The following COL4A6 variants were observed in gnomAD, a reference collection of about 807,000 sequenced individuals.
COL4A6 encodes the protein collagen type IV alpha 6 chain.
Under a neutral mutation model 126.7 loss-of-function variants are expected in COL4A6, and 59 were observed. That is an observed-to-expected ratio of 0.47 (90% CI 0.38 to 0.58). The LOEUF is 0.58. COL4A6 is among the 20% of genes least tolerant of loss of function. COL4A6 has a pLI of 0.00. For synonymous variants in COL4A6, 547 were observed against 496.6 expected, an observed-to-expected ratio of 1.10 and a Z score of -1.35; for missense variants, 1,285 against 1,337.3, an observed-to-expected ratio of 0.96 and a Z score of 0.61.
intron 2 of COL4A6, among the ~76,000 whole-genome samples, chrX:108,412,770 C>A (rs1237646482): frequency 8.9e-6 from 1 of 112,277 alleles, no homozygotes; most frequent in Non-Finnish European, 1.9e-5. Flanking sequence ...GCCAGCTGAA[C>A]AACCACTGCA....
intron 2 of COL4A6, among the ~76,000 whole-genome samples, chrX:108,336,574 A>G (rs1004406249): frequency 5.4e-5 from 6 of 111,127 alleles, no homozygotes; most frequent in African/African-American, 2.0e-4. Flanking sequence ...ATGGTTGTAC[A>G]ATATTGTGAG....
intron 6 of COL4A6, among the ~76,000 whole-genome samples, chrX:108,212,841 T>C (rs968051255): frequency 8.9e-6 from 1 of 111,928 alleles, no homozygotes; most frequent in Non-Finnish European, 1.9e-5. Context: ...GAGACAGAAC[T>C]AGGTTTTTTC....
chrX:108,428,260 C>T (rs1008962301), intron 2 of COL4A6, among the ~76,000 whole-genome samples: 10 of 112,154 alleles, frequency 8.9e-5, no homozygotes, highest in Non-Finnish European at 1.5e-4. Context: ...GGGCCATATG[C>T]GGCCCTTGGG....
At chrX:108,281,467 T>C (rs1316556661) in intron 3 of COL4A6, among the ~76,000 whole-genome samples, 2 of 101,572 alleles carry the variant, frequency 2.0e-5, no homozygotes, top group Non-Finnish European at 4.0e-5. Context: ...CAAGGAGAAC[T>C]ACAAACCACT....
intron 2 of COL4A6, among the ~76,000 whole-genome samples, chrX:108,382,635 A>C (rs2040582335): frequency 9.0e-6 from 1 of 110,744 alleles, no homozygotes; most frequent in South Asian, 3.9e-4. Flanking sequence ...CTAAAAATCC[A>C]AAATTGAAAT....
chrX:108,201,537 T>A (rs1257256292), intron 13 of COL4A6, among the ~76,000 whole-genome samples: 1 of 111,815 alleles, frequency 8.9e-6, no homozygotes, highest in Non-Finnish European at 1.9e-5. Context: ...AGCCCTTACC[T>A]TTTAAATATT....
intron 2 of COL4A6, among the ~76,000 whole-genome samples, chrX:108,401,835 G>A (rs759454186): frequency 9.0e-6 from 1 of 111,002 alleles, no homozygotes; most frequent in Non-Finnish European, 1.9e-5. Context: ...AGTTATCCAT[G>A]TACTATTGTG....
chrX:108,351,059 C>T (rs908573172), intron 2 of COL4A6, among the ~76,000 whole-genome samples: 2 of 111,333 alleles, frequency 1.8e-5, no homozygotes, highest in African/African-American at 3.3e-5. Context: ...CAATGAATTC[C>T]GCTGCAGCCA....
chrX:108,364,261 A>T (rs1012491221), intron 2 of COL4A6, among the ~76,000 whole-genome samples: 8 of 110,036 alleles, frequency 7.3e-5, no homozygotes, highest in African/African-American at 2.7e-4. Flanking sequence ...CTCCTTCCAC[A>T]ATCTATTCAA....
chrX:108,240,484 T>A (rs2036544926), intron 3 of COL4A6, among the ~76,000 whole-genome samples: 1 of 112,325 alleles, frequency 8.9e-6, no homozygotes, highest in South Asian at 3.7e-4. Context: ...TCCTTTTCTG[T>A]TGTTATTGTA....
intron 2 of COL4A6, among the ~76,000 whole-genome samples, chrX:108,369,097 T>C (rs2040268239): frequency 1.8e-5 from 2 of 111,882 alleles, no homozygotes; most frequent in African/African-American, 6.5e-5. Flanking sequence ...ATTATATGTG[T>C]TATACTTTTA....
At position 108,160,589 on chromosome X, in the gene COL4A6, A is replaced by G; in HGVS notation, c.4399T>C (p.Tyr1467His). The change falls in exon 43 of 45, where the codon TAC becomes CAC. Residue 1467 changes from tyrosine (Y) to histidine (H), a missense_variant. Transcript: ENST00000334504. ...GMPGQSMRVG[Y>H]TLVKHSQSEQ... is the part of the protein sequence containing the mutation. ...GACTGGCTGTGCTTTACCAACGTGT[A>G]GCCCACTCTCATGCTCTGGCCAGGC... 8.3e-7 allele frequency: 1 copy of G among 1,211,804 alleles called. No individual in the cohort carries two copies. The highest frequency in any genetic ancestry group is 1.1e-6 in the Non-Finnish European group (1 of 895,434).
chrX:108,235,489 A>G (rs1359782201), intron 3 of COL4A6, among the ~76,000 whole-genome samples: 1 of 111,502 alleles, frequency 9.0e-6, no homozygotes, highest in Non-Finnish European at 1.9e-5. Flanking sequence ...CCTCAGGCTG[A>G]AGACCTTGTC....
intron 2 of COL4A6, among the ~76,000 whole-genome samples, chrX:108,435,613 C>T (rs765545864): frequency 1.3e-3 from 140 of 111,989 alleles, no homozygotes; most frequent in African/African-American, 4.4e-3. Context: ...AATATTTCAC[C>T]TGAATGAAGA....
intron 2 of COL4A6, among the ~76,000 whole-genome samples, chrX:108,397,330 C>T (rs997224699): frequency 1.8e-5 from 2 of 111,333 alleles, no homozygotes; most frequent in African/African-American, 6.5e-5. Context: ...TTGAGGCCTT[C>T]CTCATCCTCT....
intron 2 of COL4A6, among the ~76,000 whole-genome samples, chrX:108,321,603 A>T (rs191930902): frequency 3.6e-5 from 4 of 111,592 alleles, no homozygotes; most frequent in African/African-American, 9.8e-5. Flanking sequence ...TTTCCAGATT[A>T]AAAAAACATC....
intron 2 of COL4A6, among the ~76,000 whole-genome samples, chrX:108,413,903 C>T (rs1444544593): frequency 8.9e-6 from 1 of 111,903 alleles, no homozygotes; most frequent in Non-Finnish European, 1.9e-5. Flanking sequence ...ATAACATCCT[C>T]AAGAGACACT....
chrX:108,277,463 G>C lies in COL4A6; in HGVS notation c.144+33285C>G, dbSNP rs763074160. 1.8e-3 allele frequency among the ~76,000 whole-genome samples: 198 copies of C among 112,687 alleles called. 5 individuals carry two copies. The Admixed American group carries it at 0.018, about 10-fold the overall frequency. On this transcript the variant is annotated intron_variant, in intron 3 of 44. Coordinates refer to ENST00000334504, the MANE Select transcript of COL4A6 (RefSeq NM_033641.4). ...TGGGTGCCCACCATTGCCCAGGCTT[G>C]CTTAGGTAAACAAAGCAGCCCTGAA...
Position 108,431,323 on chromosome X carries a change from A to G in COL4A6, c.63+6619T>C, listed in dbSNP as rs140487445. Among the ~76,000 whole-genome samples, 112 of 112,193 alleles carry G rather than the reference A, an allele frequency of 1.0e-3. 3 individuals carry two copies. In the East Asian group the frequency reaches 0.03, roughly 30 times the overall value. On this transcript the variant is annotated intron_variant, in intron 2 of 44. Coordinates refer to ENST00000334504, the MANE Select transcript of COL4A6 (RefSeq NM_033641.4). ...CAAAAGACACAATCCTGAATGCTAT[A>G]ATCCCAAATGTTGAAATCCCAAAGA...
Sources: allele counts gnomAD v4.1 joint callset (sites outside exome capture counted in the v4.1 genomes callset), GRCh38; gene constraint gnomAD v4.1.1; transcripts MANE v1.5; gene names NCBI Gene and HGNC (gene_info 2026-07-23, HGNC 2026-07-21).